Variants in MID1 observed in about 807,000 individuals in gnomAD.
MID1 encodes the protein midline 1.
In MID1, 7 loss-of-function variants were observed where a neutral mutation model predicts 40.4. The ratio of observed to expected loss-of-function variants is 0.17; its 90% CI spans 0.10 to 0.33. The LOEUF (loss-of-function observed/expected upper bound fraction) is 0.33, where lower values mean the gene tolerates loss of function less well. Among genes scored for constraint, MID1 ranks in the 10% least tolerant of loss-of-function variants. The pLI is 1.00. For synonymous variants in MID1, 229 were observed against 221.2 expected (o/e 1.04, Z -0.31); for missense variants, 367 against 558.5 (o/e 0.66, Z 3.46).
intron 1 of MID1, among the ~76,000 whole-genome samples, chrX:10,595,004 A>T (rs995027419): frequency 1.8e-5 from 2 of 111,654 alleles, no homozygotes; most frequent in Non-Finnish European, 3.8e-5. Context: ...ACTGGCATTT[A>T]AAAAAATACC....
At chrX:10,465,187 T>TTATATATA (rs1170214071) in intron 7 of MID1, among the ~76,000 whole-genome samples, 100 of 47,873 alleles carry the variant, frequency 2.1e-3, no homozygotes, top group Middle Eastern at 0.013. Flanking sequence ...GTCTGAAATT[T>TTATATATA]TATATATATA....
intron 1 of MID1, among the ~76,000 whole-genome samples, chrX:10,787,067 G>A (rs989799705): frequency 9.0e-6 from 1 of 111,503 alleles, no homozygotes; most frequent in African/African-American, 3.3e-5. Flanking sequence ...AAGACAGTAG[G>A]AAAAGATACA....
intron 1 of MID1, among the ~76,000 whole-genome samples, chrX:10,787,870 C>T (rs1163497114): frequency 9.1e-6 from 1 of 110,458 alleles, no homozygotes; most frequent in Non-Finnish European, 1.9e-5. Flanking sequence ...CTAATGACCT[C>T]TGATTGACTC....
At chrX:10,451,607 CAT>C (rs1164289083) in intron 9 of MID1, among the ~76,000 whole-genome samples, 5 of 111,780 alleles carry the variant, frequency 4.5e-5, no homozygotes, top group South Asian at 3.7e-4. Context: ...TGAATTCCCA[CAT>C]GTTGTGGGAG....
chrX:10,522,917 G>A (rs1428607702), intron 3 of MID1, among the ~76,000 whole-genome samples, 175 bp downstream of exon 3: 3 of 112,397 alleles, frequency 2.7e-5, no homozygotes, highest in Non-Finnish European at 5.6e-5. Context: ...GGATGGGAAA[G>A]ACTCTCTGAA....
chrX:10,531,333 C>T (rs1014406749), intron 2 of MID1, among the ~76,000 whole-genome samples: 11 of 112,034 alleles, frequency 9.8e-5, no homozygotes, highest in African/African-American at 3.6e-4. Context: ...AGGTTTGACT[C>T]GACAGACCGC....
chrX:10,688,437 C>T (rs780956426), intron 1 of MID1, among the ~76,000 whole-genome samples: 4 of 111,413 alleles, frequency 3.6e-5, no homozygotes, highest in Non-Finnish European at 7.5e-5. Context: ...ATTCTTACTA[C>T]TTTTTATCTT....
At chrX:10,693,305 C>T (rs922151530) in intron 1 of MID1, among the ~76,000 whole-genome samples, 35 of 107,096 alleles carry the variant, frequency 3.3e-4, no homozygotes, top group African/African-American at 1.1e-3. Context: ...AGTGATCCTC[C>T]TACCCCAGCC....
At position 10,765,100 on chromosome X, in the gene MID1, C is replaced by T. The variant is rs902153162; in HGVS notation, c.-187+68454G>A. ...ATAAGAAAAATATTAGGGAAAGGAA[C>T]GCACACTCTCCAGGTTCACACTCAC... On this transcript the variant is annotated intron_variant, in intron 1 of 10. Coordinates refer to the MID1 transcript ENST00000380785. 5.4e-5 allele frequency among the ~76,000 whole-genome samples: 6 copies of T among 111,390 alleles called. No individual in the cohort carries two copies. In the Admixed American group the frequency reaches 5.7e-4, roughly 11 times the overall value.
At chrX:10,532,101 T>C (rs1932993701) in intron 2 of MID1, among the ~76,000 whole-genome samples, 2 of 112,092 alleles carry the variant, frequency 1.8e-5, no homozygotes, top group African/African-American at 6.5e-5. Flanking sequence ...GATGGTCCAA[T>C]TGGGCAACTC....
chrX:10,608,142 T>A (rs1602465362), intron 1 of MID1, among the ~76,000 whole-genome samples: 1 of 112,490 alleles, frequency 8.9e-6, no homozygotes, highest in East Asian at 2.8e-4. Context: ...GGGTCACTGA[T>A]ACATTTCTGG....
intron 1 of MID1, among the ~76,000 whole-genome samples, chrX:10,817,512 TTC>T (rs1210938422): frequency 5.5e-5 from 5 of 91,717 alleles, no homozygotes; most frequent in East Asian, 7.2e-4. Context: ...TTTTCTTTTT[TTC>T]TCTTTCTTTC....
At chrX:10,727,222 C>G (rs930852762) in intron 1 of MID1, among the ~76,000 whole-genome samples, 11 of 112,302 alleles carry the variant, frequency 9.8e-5, no homozygotes, top group African/African-American at 3.2e-4. Context: ...TCAAGTGATT[C>G]TCTTGCCTCA....
chrX:10,549,245 CATAAAG>C (rs765849904), intron 2 of MID1, among the ~76,000 whole-genome samples: 3 of 112,816 alleles, frequency 2.7e-5, no homozygotes, highest in Non-Finnish European at 3.7e-5. Flanking sequence ...CCTTAACTTA[CATAAAG>C]ATAATTATTA....
intron 1 of MID1, among the ~76,000 whole-genome samples, chrX:10,741,520 A>C (rs1269705395): frequency 9.2e-6 from 1 of 108,439 alleles, no homozygotes; most frequent in Non-Finnish European, 1.9e-5. Flanking sequence ...AGAAGATTTC[A>C]GTCCTTGAAA....
At chrX:10,750,736 C>T (rs113719429) in intron 1 of MID1, among the ~76,000 whole-genome samples, 11,697 of 111,286 alleles carry the variant, frequency 0.11, 1,476 homozygotes, top group African/African-American at 0.36. Context: ...CTCAAGTCTA[C>T]GGCCATTTTC....
chrX:10,549,759 T>C (rs1933836418), intron 2 of MID1, among the ~76,000 whole-genome samples: 1 of 113,106 alleles, frequency 8.8e-6, no homozygotes, highest in Admixed American at 9.3e-5. Flanking sequence ...CTTGTCCCAT[T>C]GGGCTGGGCT....
intron 4 of MID1, among the ~76,000 whole-genome samples, chrX:10,494,489 C>A (rs1312780167): frequency 9.0e-6 from 1 of 111,047 alleles, no homozygotes; most frequent in African/African-American, 3.3e-5. Context: ...TATCCTTGGC[C>A]AGGCATAGTA....
chrX:10,720,772 A>C (rs1919209768), intron 1 of MID1, among the ~76,000 whole-genome samples: 1 of 110,655 alleles, frequency 9.0e-6, no homozygotes, highest in Non-Finnish European at 1.9e-5. Flanking sequence ...GGCACTATTC[A>C]CAATAGCAAA....
Sources: gnomAD v4.1 joint callset for allele counts (sites outside exome capture counted in the v4.1 genomes callset) on GRCh38, gnomAD v4.1.1 for gene constraint, MANE v1.5 for transcripts, NCBI Gene and HGNC (gene_info 2026-07-23, HGNC 2026-07-21) for gene names.